The following TAFA2 variants were observed in gnomAD, a reference collection of about 807,000 sequenced individuals.
TAFA2 encodes TAFA chemokine like family member 2.
TAFA2 carries 7 observed loss-of-function variants against 18.8 expected under a neutral mutation model. The observed-to-expected ratio is 0.37, with a 90% CI of 0.21 to 0.70. The LOEUF (loss-of-function observed/expected upper bound fraction) is 0.70, where lower values mean the gene tolerates loss of function less well. Among genes scored for constraint, TAFA2 ranks in the 30% least tolerant of loss-of-function variants. The pLI is 0.53. For synonymous variants in TAFA2, 60 were observed against 54.2 expected (o/e 1.11, Z -0.47); for missense variants, 122 against 158.1 (o/e 0.77, Z 1.23).
intron 1 of TAFA2, among the ~76,000 whole-genome samples, chr12:61,883,634 T>C (rs1463580581): frequency 6.6e-6 from 1 of 152,138 alleles, no homozygotes; most frequent in Non-Finnish European, 1.5e-5. Flanking sequence ...GGGATTATAG[T>C]GGCTTAGAAA....
intron 1 of TAFA2, among the ~76,000 whole-genome samples, chr12:61,959,503 T>C (rs1878810097): frequency 6.6e-6 from 1 of 152,080 alleles, no homozygotes; most frequent in African/African-American, 2.4e-5. Flanking sequence ...GTAGTCCATA[T>C]CTGGCCAACT....
At chr12:62,212,532 C>T (rs1292192101) in intron 1 of TAFA2, among the ~76,000 whole-genome samples, 3 of 152,198 alleles carry the variant, frequency 2.0e-5, no homozygotes, top group Admixed American at 6.5e-5. Context: ...GCTGAGCCTA[C>T]CAAAGTCGTC....
At chr12:62,105,185 C>A (rs1322644861) in intron 1 of TAFA2, among the ~76,000 whole-genome samples, 1 of 151,902 alleles carries the variant, frequency 6.6e-6, no homozygotes, top group Non-Finnish European at 1.5e-5. Context: ...TGTGACTGCT[C>A]CGAGTCCCCA....
chr12:62,195,612 A>G (rs1271004148), upstream of TAFA2, among the ~76,000 whole-genome samples: 1 of 152,218 alleles, frequency 6.6e-6, no homozygotes, highest in Non-Finnish European at 1.5e-5. Flanking sequence ...GGATGACCAA[A>G]TGTATTGTCA....
rs1279704447 is a variant in TAFA2, at chr12:61,883,420, CAA to C, written c.-1-15996_-1-15995del. On this transcript the variant is annotated intron_variant, in intron 1 of 4. Coordinates refer to ENST00000416284, the MANE Select transcript of TAFA2 (RefSeq NM_178539.5). ...CATAAGGAAAATGCGGCTGCTTACTCAAAGTTTGATTTGTGGAAACATGGTAT... is the reference window on the plus strand; with the variant it reads ...CATAAGGAAAATGCGGCTGCTTACTCAGTTTGATTTGTGGAAACATGGTAT... Among the ~76,000 whole-genome samples the C allele has an allele frequency of 2.0e-5, 3 of 152,142 alleles. No individual in the cohort carries two copies. In the East Asian group the frequency reaches 5.8e-4, roughly 29 times the overall value.
At chr12:62,193,835 T>C (rs996840797), upstream of TAFA2, among the ~76,000 whole-genome samples, 1 of 152,206 alleles carries the variant, frequency 6.6e-6, no homozygotes, top group Non-Finnish European at 1.5e-5. Context: ...CACTCTGAAT[T>C]TCTGGAGCAG....
chr12:62,017,427 T>C (rs1880974732), intron 1 of TAFA2, among the ~76,000 whole-genome samples: 2 of 152,174 alleles, frequency 1.3e-5, no homozygotes, highest in African/African-American at 2.4e-5. Flanking sequence ...ATTCTTGCTA[T>C]ATACAAGATG....
At chr12:61,962,662 A>G (rs1182382877) in intron 1 of TAFA2, among the ~76,000 whole-genome samples, 10 of 152,040 alleles carry the variant, frequency 6.6e-5, no homozygotes, top group Non-Finnish European at 1.5e-4. Flanking sequence ...AATTTTGTGC[A>G]TATCTTTTTA....
At chr12:61,748,177 T>G (rs1013630897) in intron 4 of TAFA2, among the ~76,000 whole-genome samples, 3 of 151,920 alleles carry the variant, frequency 2.0e-5, no homozygotes, top group African/African-American at 7.3e-5. Context: ...GGGAAGATAA[T>G]AAAATCAAAA....
intron 1 of TAFA2, among the ~76,000 whole-genome samples, chr12:62,099,736 T>G (rs1019387884): frequency 6.6e-6 from 1 of 152,114 alleles, no homozygotes; most frequent in Non-Finnish European, 1.5e-5. Context: ...TTCACATATA[T>G]GATGTCATCC....
At chr12:61,969,606 A>T (rs1879177249) in intron 1 of TAFA2, among the ~76,000 whole-genome samples, 1 of 151,788 alleles carries the variant, frequency 6.6e-6, no homozygotes, top group African/African-American at 2.4e-5. Flanking sequence ...AAGTAAAAAA[A>T]TAAATGACAA....
chr12:62,187,944 A>G (rs1012029404), intron 1 of TAFA2, among the ~76,000 whole-genome samples: 3 of 152,224 alleles, frequency 2.0e-5, no homozygotes, highest in African/African-American at 7.2e-5. Flanking sequence ...AAAGTTAACC[A>G]AAGAATTTTC....
intron 1 of TAFA2, among the ~76,000 whole-genome samples, chr12:62,159,585 C>A (rs1262722901): frequency 6.6e-6 from 1 of 152,072 alleles, no homozygotes; most frequent in East Asian, 1.9e-4. Context: ...TAAACTTAGT[C>A]CAATCAAGAT....
Position 62,050,577 on chromosome 12 carries a change from A to T in TAFA2, c.-2+140682T>A, listed in dbSNP as rs891153096. ...ACAGAGTGAGACTCTGTCTCAAAAAAAAAAAAAATTGTTACAAACTTTACA... is the reference window on the plus strand; with the variant it reads ...ACAGAGTGAGACTCTGTCTCAAAAATAAAAAAAATTGTTACAAACTTTACA... On this transcript the variant is annotated intron_variant, in intron 1 of 4. Transcript: ENST00000416284. Among the ~76,000 whole-genome samples the T allele has an allele frequency of 2.0e-5, 3 of 152,196 alleles. No homozygotes were observed. The East Asian group carries it at 5.8e-4, about 30-fold the overall frequency.
chr12:61,999,386 C>T (rs979292987), intron 1 of TAFA2, among the ~76,000 whole-genome samples: 4 of 152,182 alleles, frequency 2.6e-5, no homozygotes, highest in South Asian at 2.1e-4. Flanking sequence ...ATATCTACAT[C>T]TGCTAGATAA....
chr12:61,958,489 AC>A (rs1430373235), intron 1 of TAFA2, among the ~76,000 whole-genome samples: 2 of 151,824 alleles, frequency 1.3e-5, no homozygotes, highest in African/African-American at 4.8e-5. Flanking sequence ...AATTTGTGCT[AC>A]CAGTTTTTTT....
intron 1 of TAFA2, among the ~76,000 whole-genome samples, chr12:61,948,697 C>T (rs890865236): frequency 2.0e-5 from 3 of 152,216 alleles, no homozygotes; most frequent in South Asian, 4.1e-4. Flanking sequence ...ATGGGAGCTT[C>T]GGGGTATTGT....
chr12:61,932,452 T>C (rs1877596971), intron 1 of TAFA2, among the ~76,000 whole-genome samples: 4 of 152,180 alleles, frequency 2.6e-5, no homozygotes, highest in Admixed American at 2.6e-4. Flanking sequence ...TCCACACCCA[T>C]AACTCTCTGC....
intron 2 of TAFA2, among the ~76,000 whole-genome samples, chr12:61,765,975 AC>A (rs1243363420): frequency 3.9e-5 from 6 of 151,990 alleles, no homozygotes; most frequent in Non-Finnish European, 5.9e-5. Context: ...TAACTCCTCC[AC>A]CCCTCATTTC....
Sources: gnomAD v4.1 joint callset for allele counts (sites outside exome capture counted in the v4.1 genomes callset) on GRCh38, gnomAD v4.1.1 for gene constraint, MANE v1.5 for transcripts, NCBI Gene and HGNC (gene_info 2026-07-23, HGNC 2026-07-21) for gene names.